Variants in RAB18 observed in about 807,000 individuals in gnomAD.
RAB18 encodes the protein ras-related protein Rab-18.
A neutral mutation model predicts 28.5 loss-of-function variants in RAB18; 10 were observed. That is an observed-to-expected ratio of 0.35 (90% CI 0.22 to 0.60). The LOEUF (loss-of-function observed/expected upper bound fraction) is 0.60, where lower values mean the gene tolerates loss of function less well. Ranked by LOEUF, RAB18 falls within the 20% of genes least tolerant of loss-of-function variation. The pLI is 0.78. For synonymous variants in RAB18, 93 were observed against 86.9 expected, an observed-to-expected ratio of 1.07 and a Z score of -0.39; for missense variants, 188 against 244.2, an observed-to-expected ratio of 0.77 and a Z score of 1.53.
At chr10:27,533,080 A>G (rs1487286644) in intron 4 of RAB18, among the ~76,000 whole-genome samples, 1 of 152,068 alleles carries the variant, frequency 6.6e-6, no homozygotes, top group East Asian at 1.9e-4. Flanking sequence ...ATTCCTGGGA[A>G]ACTGTTTAAA....
chr10:27,535,279 C>G (rs899593160), intron 6 of RAB18, among the ~76,000 whole-genome samples: 66 of 152,062 alleles, frequency 4.3e-4, no homozygotes, highest in African/African-American at 1.5e-3. Context: ...TAAGTTCCAG[C>G]TATCATTAGT....
At chr10:27,530,165 T>C (rs996075625) in intron 3 of RAB18, among the ~76,000 whole-genome samples, 1 of 152,010 alleles carries the variant, frequency 6.6e-6, no homozygotes, top group Non-Finnish European at 1.5e-5. Context: ...GGATACAGTT[T>C]CCTTATGCAA....
At chr10:27,529,187 C>CA (rs1834739471) in intron 3 of RAB18, among the ~76,000 whole-genome samples, 1 of 150,406 alleles carries the variant, frequency 6.6e-6, no homozygotes, top group African/African-American at 2.4e-5. Flanking sequence ...TTTTTTTTTC[C>CA]AGTTTGTCAT....
In RAB18 at chr10:27,541,591, T is replaced by G. The variant is rs1835032859; in HGVS notation, c.*3540T>G. On this transcript the variant is annotated 3_prime_UTR_variant, in exon 7 of 7. Transcript: ENST00000356940. ...AATAGTCGTGTGTTCATGCCTGTTC[T>G]CAGTCTTGTCCCCTTTACCGTTTCT... 1 of 453,908 alleles carries G rather than the reference T, an allele frequency of 2.2e-6. No homozygotes were observed. Among genetic ancestry groups the G allele is most frequent in the African/African-American group, 2.0e-5 (1 of 50,088 alleles). 28.1% of individuals were successfully genotyped at this position (453,908 alleles called of 1,614,324 possible).
chr10:27,539,248 AC>A lies in RAB18; in HGVS notation c.*1203del. 3.2e-6 allele frequency: 1 copy of A among 308,100 alleles called. No individual in the cohort carries two copies. Among genetic ancestry groups the A allele is most frequent in the Non-Finnish European group, 6.3e-6 (1 of 159,274 alleles). 19.1% of individuals were successfully genotyped at this position (308,100 alleles called of 1,614,324 possible). Reference sequence around the variant, plus strand: ...ATTTACACTGATCTCTGCTATTTTAACCCCCCAAATAAGTTATTTGTCCTTT... The same window carrying A: ...ATTTACACTGATCTCTGCTATTTTAACCCCCAAATAAGTTATTTGTCCTTT... On this transcript the variant is annotated 3_prime_UTR_variant, in exon 7 of 7. Transcript: ENST00000356940.
rs148786103 is a variant in RAB18 at position 27,526,851 on chromosome 10, A to G, written c.148A>G (p.Ile50Val). The G allele has an allele frequency of 2.7e-5, 44 of 1,613,262 alleles. No individual in the cohort carries two copies. The African/African-American group carries it at 4.9e-4, about 18-fold the overall frequency. Residue 50 changes from isoleucine (I) to valine (V), a missense_variant, in exon 3 of 7, where the codon ATT becomes GTT. Ile to Val is a conservative substitution (Grantham distance 29). Coordinates refer to ENST00000356940, the MANE Select transcript of RAB18 (RefSeq NM_021252.5). The stretch of plus-strand genomic sequence containing the variant: ...AGGTGTTGACTTTAAGGTGAAAACA[A>G]TTTCAGTGGATGGAAATAAGGCTAA... ...TIGVDFKVKT[I>V]SVDGNKAKLA... is the part of the protein sequence containing the mutation.
intron 1 of RAB18, among the ~76,000 whole-genome samples, chr10:27,509,519 T>C (rs1464627951): frequency 6.6e-6 from 1 of 152,154 alleles, no homozygotes; most frequent in African/African-American, 2.4e-5. Flanking sequence ...TCCCTTTTCA[T>C]CTATGTCAGT....
Position 27,538,066 on chromosome 10 carries a change from C to T in RAB18, c.*15C>T, listed in dbSNP as rs1834937405. ...CTGTGTTATAAACTCTGGGAAATTC[C>T]ATCTCTTGCATATTTGATCAGATAG... On this transcript the variant is annotated 3_prime_UTR_variant, in exon 7 of 7. Transcript: ENST00000356940. 1 of 1,613,926 alleles carries T rather than the reference C, an allele frequency of 6.2e-7. No individual in the cohort carries two copies. Among genetic ancestry groups the T allele is most frequent in the Non-Finnish European group, 8.5e-7 (1 of 1,179,816 alleles).
intron 1 of RAB18, chr10:27,505,248 G>A (rs1418101029): frequency 1.3e-5 from 6 of 464,202 alleles, no homozygotes; most frequent in Non-Finnish European, 2.6e-5. Context: ...CCAGGTCTTG[G>A]AAGAGAGTTC....
At chr10:27,507,106 A>G (rs1337715689) in intron 1 of RAB18, among the ~76,000 whole-genome samples, 3 of 151,970 alleles carry the variant, frequency 2.0e-5, no homozygotes, top group Non-Finnish European at 2.9e-5. Context: ...GTACAAAAAC[A>G]TTTGCTGTGG....
chr10:27,508,716 A>AT (rs1834258942), intron 1 of RAB18, among the ~76,000 whole-genome samples: 1 of 152,180 alleles, frequency 6.6e-6, no homozygotes, highest in Non-Finnish European at 1.5e-5. Flanking sequence ...AGGGAGAGTT[A>AT]ATCGTTCAAA....
At chr10:27,504,615 A>T (rs1423875760) in intron 1 of RAB18, 178 bp downstream of exon 1, 1 of 785,180 alleles carries the variant, frequency 1.3e-6, no homozygotes, top group Non-Finnish European at 2.2e-6. Flanking sequence ...TCCTCTCCCC[A>T]CCCGCGCCTG....
intron 2 of RAB18, among the ~76,000 whole-genome samples, chr10:27,526,178 ACTC>A (rs1834667466): frequency 6.6e-6 from 1 of 152,018 alleles, no homozygotes; most frequent in Non-Finnish European, 1.5e-5. Flanking sequence ...AACTTTGGGC[ACTC>A]CTCTTTCACT....
chr10:27,526,954 T>A, intron 3 of RAB18, 65 bp downstream of exon 3: 1 of 1,508,556 alleles, frequency 6.6e-7, no homozygotes. Context: ...CAGAAATTGA[T>A]TTGTGTAGTG....
At position 27,536,039 on chromosome 10, in the gene RAB18, G is replaced by A. The variant is rs575946647; in HGVS notation, c.446-1837G>A. On this transcript the variant is annotated intron_variant, in intron 6 of 6. Transcript: ENST00000356940. ...CGGAGCTTGCAGTGAGCGAGATCAC[G>A]CCACTGCACTCCAGCCTGGGCGACA... Among the ~76,000 whole-genome samples, 18 of 150,830 alleles carry A rather than the reference G, an allele frequency of 1.2e-4. No homozygotes were observed. The South Asian group carries it at 1.3e-3, about 11-fold the overall frequency.
At chr10:27,509,522 A>T (rs1834282813) in intron 1 of RAB18, among the ~76,000 whole-genome samples, 1 of 152,054 alleles carries the variant, frequency 6.6e-6, no homozygotes, top group African/African-American at 2.4e-5. Context: ...CTTTTCATCT[A>T]TGTCAGTTAA....
At chr10:27,514,469 C>T (rs1307669557) in intron 2 of RAB18, among the ~76,000 whole-genome samples, 2 of 151,942 alleles carry the variant, frequency 1.3e-5, no homozygotes, top group African/African-American at 4.8e-5. Context: ...GAAAATAAAA[C>T]TATTACTGAA....
chr10:27,532,451 G>A (rs1834806840), intron 3 of RAB18, 56 bp from the exon 4 acceptor site: 2 of 1,273,630 alleles, frequency 1.6e-6, no homozygotes, highest in Non-Finnish European at 2.3e-6. Context: ...TCTTAAACTA[G>A]TATATTGAAG....
At chr10:27,516,768 A>G (rs1564829839) in intron 2 of RAB18, among the ~76,000 whole-genome samples, 1 of 152,188 alleles carries the variant, frequency 6.6e-6, no homozygotes, top group Admixed American at 6.5e-5. Flanking sequence ...CAGTAAAAAA[A>G]TATGTTAATT....
Sources: allele counts gnomAD v4.1 joint callset (sites outside exome capture counted in the v4.1 genomes callset), GRCh38; gene constraint gnomAD v4.1.1; transcripts MANE v1.5; gene names NCBI Gene and HGNC (gene_info 2026-07-23, HGNC 2026-07-21).